NCKAP5: variants seen among roughly 807,000 people sequenced by gnomAD.
NCKAP5 encodes nck-associated protein 5.
A neutral mutation model predicts 167.0 loss-of-function variants in NCKAP5; 92 were observed. The ratio of observed to expected loss-of-function variants is 0.55; its 90% confidence interval spans 0.47 to 0.66. The LOEUF (loss-of-function observed/expected upper bound fraction) is 0.66, where lower values mean the gene tolerates loss of function less well. NCKAP5 is among the 30% of genes least tolerant of loss of function. The pLI is 0.00. For missense variants in NCKAP5, 2,378 were observed against 2,315.0 expected (o/e 1.03, Z -0.56); for synonymous variants, 891 against 877.4 (o/e 1.02, Z -0.27).
chr2:133,185,302 T>A (rs916838944), intron 5 of NCKAP5, among the ~76,000 whole-genome samples: 1 of 152,120 alleles, frequency 6.6e-6, no homozygotes, highest in Non-Finnish European at 1.5e-5. Context: ...TGTTTTCTAT[T>A]CTTTCTCACT....
intron 19 of NCKAP5, among the ~76,000 whole-genome samples, chr2:132,704,924 T>C (rs185481890): frequency 6.6e-6 from 1 of 152,346 alleles, no homozygotes; most frequent in Non-Finnish European, 1.5e-5. Context: ...TAAGTTTCTC[T>C]AGTCCATTCC....
At chr2:133,069,991 T>C (rs1341963637) in intron 6 of NCKAP5, among the ~76,000 whole-genome samples, 1 of 152,174 alleles carries the variant, frequency 6.6e-6, no homozygotes, top group Non-Finnish European at 1.5e-5. Flanking sequence ...AGTAGGTATT[T>C]AGGCATACTT....
Position 133,336,978 on chromosome 2 carries a change from G to A in NCKAP5, c.70-33868C>T, listed in dbSNP as rs901594057. On this transcript the variant is annotated intron_variant, in intron 3 of 19. Transcript: ENST00000409261. ...CTAGGTGTCTCTTAGAGAGACATAAGTGACATTTTTATAATAAATACCAAA... is the reference window on the plus strand; with the variant it reads ...CTAGGTGTCTCTTAGAGAGACATAAATGACATTTTTATAATAAATACCAAA... Among the ~76,000 whole-genome samples the A allele has an allele frequency of 3.3e-5, 5 of 152,234 alleles. No homozygotes were observed. In the East Asian group the frequency reaches 9.6e-4, roughly 29 times the overall value.
At position 132,831,889 on chromosome 2, in the gene NCKAP5, C is replaced by T. The variant is rs139373646; in HGVS notation, c.807+28603G>A. Among the ~76,000 whole-genome samples, 319 of 152,090 alleles carry T rather than the reference C, an allele frequency of 2.1e-3. 4 individuals are homozygous for T. Among genetic ancestry groups the T allele is most frequent in the African/African-American group, 7.4e-3 (307 of 41,530 alleles). ...GAATTTACTTGTGCTTATCTTGTTACAGCTATAATGAATTTTTTAGAAATA... is the reference window on the plus strand; with the variant it reads ...GAATTTACTTGTGCTTATCTTGTTATAGCTATAATGAATTTTTTAGAAATA... On this transcript the variant is annotated intron_variant, in intron 11 of 19. Coordinates refer to ENST00000409261, the MANE Select transcript of NCKAP5 (RefSeq NM_207363.3).
chr2:132,881,784 G>A (rs1012139054), intron 8 of NCKAP5, among the ~76,000 whole-genome samples: 4 of 152,024 alleles, frequency 2.6e-5, no homozygotes, highest in Admixed American at 2.0e-4. Flanking sequence ...TCTCCCCACT[G>A]TAAAGTTACT....
intron 19 of NCKAP5, among the ~76,000 whole-genome samples, chr2:132,687,545 A>T (rs1231388334): frequency 6.6e-6 from 1 of 152,122 alleles, no homozygotes; most frequent in Non-Finnish European, 1.5e-5. Flanking sequence ...CTTTTCCTTA[A>T]ATCAGTGGTA....
intron 5 of NCKAP5, among the ~76,000 whole-genome samples, chr2:133,148,254 T>A (rs1000997272): frequency 6.6e-6 from 1 of 152,122 alleles, no homozygotes; most frequent in Non-Finnish European, 1.5e-5. Flanking sequence ...TCATATCAAC[T>A]TTTATTGGCT....
At chr2:133,574,598 CTTTCCTTT>C in the NCKAP5 span, among the ~76,000 whole-genome samples, 1 of 134,954 alleles carries the variant, frequency 7.4e-6, no homozygotes, top group Non-Finnish European at 1.6e-5. Flanking sequence ...GCATTTTCTT[CTTTCCTTT>C]TTTTTTTTTT....
the NCKAP5 span, among the ~76,000 whole-genome samples, chr2:133,581,486 C>T: frequency 6.6e-6 from 1 of 152,200 alleles, no homozygotes; most frequent in African/African-American, 2.4e-5. Flanking sequence ...GGCCCTGAGT[C>T]CTTGGCAAAC....
chr2:133,428,197 C>T (rs1466868109), intron 3 of NCKAP5, among the ~76,000 whole-genome samples: 3 of 152,098 alleles, frequency 2.0e-5, no homozygotes, highest in Non-Finnish European at 2.9e-5. Context: ...TTAAAACACA[C>T]TTTGAAATAC....
At chr2:132,856,743 T>C (rs934706263) in intron 11 of NCKAP5, among the ~76,000 whole-genome samples, 3 of 152,118 alleles carry the variant, frequency 2.0e-5, no homozygotes, top group African/African-American at 7.2e-5. Context: ...CTTATTGGGA[T>C]TGTACTGCAG....
chr2:133,129,077 AT>A (rs1287763242), intron 6 of NCKAP5, among the ~76,000 whole-genome samples: 1 of 145,756 alleles, frequency 6.9e-6, no homozygotes, highest in African/African-American at 2.6e-5. Context: ...CTGAAATCTC[AT>A]CCTTTTGGCT....
rs61411994 is a variant in NCKAP5, at chr2:133,253,429, A to G, written c.144-39650T>C. The stretch of plus-strand genomic sequence containing the variant: ...CCCACAAATTAAGTAAATGAAGGCT[A>G]TAGAAGACAGAAGTTAATCACTGGG... On this transcript the variant is annotated intron_variant, in intron 4 of 19. Coordinates refer to ENST00000409261, the MANE Select transcript of NCKAP5 (RefSeq NM_207363.3). Among the ~76,000 whole-genome samples, 868 of 152,344 alleles carry G rather than the reference A, an allele frequency of 5.7e-3. 18 individuals are homozygous for G. The South Asian group carries it at 0.06, about 10-fold the overall frequency.
At chr2:133,386,354 A>T (rs900788138) in intron 3 of NCKAP5, among the ~76,000 whole-genome samples, 24 of 152,162 alleles carry the variant, frequency 1.6e-4, no homozygotes, top group African/African-American at 5.3e-4. Context: ...GTAGTTGAGC[A>T]GTTTTGATTG....
intron 6 of NCKAP5, among the ~76,000 whole-genome samples, chr2:133,079,340 G>C (rs1217661939): frequency 1.3e-5 from 2 of 152,136 alleles, no homozygotes; most frequent in African/African-American, 4.8e-5. Context: ...AGATTTTCTG[G>C]TTAACTCTTA....
intron 2 of NCKAP5, among the ~76,000 whole-genome samples, chr2:133,547,446 C>T (rs1686828712): frequency 6.6e-6 from 1 of 152,072 alleles, no homozygotes; most frequent in Non-Finnish European, 1.5e-5. Context: ...AACAAAAAGA[C>T]AGCAGTAACC....
At chr2:132,749,945 T>C in intron 16 of NCKAP5, among the ~76,000 whole-genome samples, 1 of 152,122 alleles carries the variant, frequency 6.6e-6, no homozygotes, top group East Asian at 1.9e-4. Flanking sequence ...CCTCACCACC[T>C]TTTATCCTCC....
chr2:133,115,396 G>A (rs746145832), intron 6 of NCKAP5, among the ~76,000 whole-genome samples: 2 of 152,106 alleles, frequency 1.3e-5, no homozygotes, highest in Non-Finnish European at 2.9e-5. Flanking sequence ...CACTACAAGT[G>A]TACAAGCATC....
intron 15 of NCKAP5, among the ~76,000 whole-genome samples, chr2:132,779,402 A>T (rs1225010302): frequency 1.3e-5 from 2 of 152,136 alleles, no homozygotes; most frequent in African/African-American, 4.8e-5. Context: ...AGGCTATCAA[A>T]GTTTTCCATC....
Sources: gnomAD v4.1 joint callset for allele counts (sites outside exome capture counted in the v4.1 genomes callset) on GRCh38, gnomAD v4.1.1 for gene constraint, MANE v1.5 for transcripts, NCBI Gene and HGNC (gene_info 2026-07-23, HGNC 2026-07-21) for gene names.